PARD3B: variants seen among roughly 807,000 people sequenced by gnomAD.
The protein encoded by PARD3B is partitioning defective 3 homolog B.
In PARD3B, 103 loss-of-function variants were observed where a neutral mutation model predicts 130.2. The ratio of observed to expected loss-of-function variants is 0.79; its 90% CI spans 0.67 to 0.93. PARD3B has a LOEUF of 0.93. Among genes scored for constraint, PARD3B ranks in the 40% least tolerant of loss-of-function variants. The probability of loss-of-function intolerance (pLI) is 0.00; values close to 1 mark genes in which losing one functional copy is unlikely to be tolerated. For missense variants in PARD3B, 1,609 were observed against 1,499.2 expected (o/e 1.07, Z -1.21); for synonymous variants, 583 against 553.2 (o/e 1.05, Z -0.76).
chr2:204,587,099 T>A (rs2032858422), intron 1 of PARD3B, among the ~76,000 whole-genome samples: 1 of 152,200 alleles, frequency 6.6e-6, no homozygotes, highest in Non-Finnish European at 1.5e-5. Context: ...TCATGTCCTG[T>A]AAAATTGTGT....
intron 2 of PARD3B, among the ~76,000 whole-genome samples, chr2:204,730,195 C>T (rs1335082463): frequency 5.3e-5 from 8 of 152,108 alleles, no homozygotes; most frequent in Admixed American, 1.3e-4. Flanking sequence ...CTGCATCAGC[C>T]TCCCGAGTAG....
At chr2:204,587,820 C>G (rs73057288) in intron 1 of PARD3B, among the ~76,000 whole-genome samples, 8,404 of 152,116 alleles carry the variant, frequency 0.055, 799 homozygotes, top group African/African-American at 0.19. Context: ...TGAATCATGG[C>G]GGTAGTTACC....
In PARD3B at chr2:204,689,258, G is replaced by A. The variant is rs989221994; in HGVS notation, c.222+2976G>A. 3.3e-5 allele frequency among the ~76,000 whole-genome samples: 5 copies of A among 152,134 alleles called. No individual in the cohort carries two copies. The highest frequency in any genetic ancestry group is 7.3e-5 in the Non-Finnish European group (5 of 68,032). ...TCCTTTGGCCAACATAGTGCTTGGC[G>A]CATACATGGTATCTGCTTGGGAGCT... On this transcript the variant is annotated intron_variant, in intron 2 of 22. Transcript: ENST00000406610. The surrounding 1 kb of genome is among the most constrained non-coding windows in gnomAD (Gnocchi z 5.2).
intron 2 of PARD3B, among the ~76,000 whole-genome samples, chr2:204,730,030 CACACAG>C (rs1166182515): frequency 3.3e-5 from 5 of 150,704 alleles, no homozygotes; most frequent in African/African-American, 1.2e-4. Context: ...CACACACACA[CACACAG>C]TGACTATTCC....
At chr2:204,748,278 A>G (rs1478388992) in intron 2 of PARD3B, among the ~76,000 whole-genome samples, 1 of 152,100 alleles carries the variant, frequency 6.6e-6, no homozygotes, top group Admixed American at 6.6e-5. Flanking sequence ...ACACGTAAAA[A>G]TTGTTCCATG....
intron 13 of PARD3B, among the ~76,000 whole-genome samples, chr2:205,181,084 G>A (rs1018084843): frequency 1.3e-5 from 2 of 152,020 alleles, no homozygotes; most frequent in African/African-American, 4.8e-5. Flanking sequence ...CAGCTCAAGT[G>A]CACTCCTGTC....
In PARD3B at chr2:204,998,459, T is replaced by TAA. The variant is rs1559341936; in HGVS notation, c.394+33136_394+33137insAA. Among the ~76,000 whole-genome samples, 114 of 82,394 alleles carry TAA rather than the reference T, an allele frequency of 1.4e-3. 5 individuals are homozygous for TAA. Among genetic ancestry groups the TAA allele is most frequent in the Non-Finnish European group, 2.4e-3 (97 of 40,520 alleles). The allele number at this position is 82,394 out of a possible 152,430, so 54.1% of individuals were successfully genotyped here. ...ATGTGTGTGTATATATATGTGTATA[T>TAA]TATATATGTATATATATGTGTATAT... On this transcript the variant is annotated intron_variant, in intron 3 of 22. Transcript: ENST00000406610.
Position 205,197,070 on chromosome 2 carries a change from TGTGTGAGA to T in PARD3B, c.2140+3752_2140+3759del, listed in dbSNP as rs1414026348. On this transcript the variant is annotated intron_variant, in intron 15 of 22. Coordinates refer to ENST00000406610, the MANE Select transcript of PARD3B (RefSeq NM_001302769.2). Reference sequence around the variant, plus strand: ...GTGTGTGTGTGTGTGTGTGTGTGTGTGTGTGAGAGAGAGAGAGAGAGAGCATGCACATT... The same window carrying T: ...GTGTGTGTGTGTGTGTGTGTGTGTGTGAGAGAGAGAGAGAGCATGCACATT... Among the ~76,000 whole-genome samples, 14 of 150,408 alleles carry T rather than the reference TGTGTGAGA, an allele frequency of 9.3e-5. No individual in the cohort carries two copies. The East Asian group carries it at 2.0e-3, about 21-fold the overall frequency.
At chr2:205,110,414 T>C (rs1174259858) in intron 5 of PARD3B, among the ~76,000 whole-genome samples, 1 of 152,182 alleles carries the variant, frequency 6.6e-6, no homozygotes, top group Non-Finnish European at 1.5e-5. Flanking sequence ...AAATCTCAGA[T>C]TGGTAGCAGC....
intron 21 of PARD3B, among the ~76,000 whole-genome samples, chr2:205,519,248 A>ATACTT (rs1262434620): frequency 4.6e-5 from 7 of 152,138 alleles, no homozygotes; most frequent in African/African-American, 1.7e-4. Context: ...TCATAATCCC[A>ATACTT]TACTTTCCAG....
At chr2:205,416,898 G>A (rs555286720) in intron 19 of PARD3B, among the ~76,000 whole-genome samples, 1 of 152,052 alleles carries the variant, frequency 6.6e-6, no homozygotes, top group East Asian at 1.9e-4. Context: ...AGGCCTTCAG[G>A]CTAAGGGAAC....
chr2:205,477,893 G>C (rs998124599), intron 20 of PARD3B, among the ~76,000 whole-genome samples: 3 of 146,360 alleles, frequency 2.0e-5, no homozygotes, highest in African/African-American at 8.3e-5. Context: ...TTGGCACAAA[G>C]GCCAACACTC....
chr2:204,832,302 T>C (rs1031781667), intron 2 of PARD3B, among the ~76,000 whole-genome samples: 2 of 152,214 alleles, frequency 1.3e-5, no homozygotes, highest in Non-Finnish European at 2.9e-5. Context: ...TTTAGTGTAC[T>C]TCCTCAAGAT....
At chr2:204,700,611 G>A (rs1369361104) in intron 2 of PARD3B, among the ~76,000 whole-genome samples, 4 of 152,044 alleles carry the variant, frequency 2.6e-5, no homozygotes, top group Non-Finnish European at 5.9e-5. Context: ...GGAGCTACAA[G>A]CATGCATAAA....
chr2:204,779,704 G>A (rs755716017), intron 2 of PARD3B, among the ~76,000 whole-genome samples: 10 of 152,150 alleles, frequency 6.6e-5, no homozygotes, highest in Non-Finnish European at 1.5e-4. Context: ...GGAAGCCCAG[G>A]GTTGTGAGGC....
At chr2:204,958,711 T>A (rs1414716496) in intron 2 of PARD3B, among the ~76,000 whole-genome samples, 1 of 152,202 alleles carries the variant, frequency 6.6e-6, no homozygotes, top group Non-Finnish European at 1.5e-5. Flanking sequence ...GCTCAGCATT[T>A]GGGCATGTTA....
intron 6 of PARD3B, among the ~76,000 whole-genome samples, chr2:205,115,544 G>A (rs930167523): frequency 6.6e-6 from 1 of 152,146 alleles, no homozygotes; most frequent in African/African-American, 2.4e-5. Flanking sequence ...TAACTGTTCA[G>A]TAACTTGGTG....
intron 22 of PARD3B, among the ~76,000 whole-genome samples, chr2:205,577,673 T>C (rs1248470463): frequency 6.6e-6 from 1 of 152,208 alleles, no homozygotes; most frequent in Non-Finnish European, 1.5e-5. Flanking sequence ...CGCTTGGCAA[T>C]GTTTTTTTCT....
intron 4 of PARD3B, among the ~76,000 whole-genome samples, chr2:205,075,657 C>G (rs1190948283): frequency 1.4e-5 from 2 of 144,206 alleles, no homozygotes; most frequent in African/African-American, 5.1e-5. Flanking sequence ...GCTGCCTTAC[C>G]TTTATAAGAA....
Sources: gnomAD v4.1 joint callset for allele counts (sites outside exome capture counted in the v4.1 genomes callset) on GRCh38, gnomAD v4.1.1 for gene constraint, Gnocchi (gnomAD v3.1) non-coding constraint, MANE v1.5 for transcripts, NCBI Gene and HGNC (gene_info 2026-07-23, HGNC 2026-07-21) for gene names.